SPICE1: variants seen among roughly 807,000 people sequenced by gnomAD.
SPICE1 encodes the protein spindle and centriole associated protein 1, also known as spindle and centriole-associated protein 1.
A neutral mutation model predicts 102.7 loss-of-function variants in SPICE1; 75 were observed. The ratio of observed to expected loss-of-function variants is 0.73; its 90% CI spans 0.61 to 0.88. The LOEUF is 0.88. Among genes scored for constraint, SPICE1 ranks in the 40% least tolerant of loss-of-function variants. The pLI is 0.00. For missense variants in SPICE1, 979 were observed against 1,020.1 expected (o/e 0.96, Z 0.55); for synonymous variants, 308 against 350.3 (o/e 0.88, Z 1.35).
At chr3:113,453,427 TTCCTATA>T in intron 14 of SPICE1, 32 bp downstream of exon 14, 2 of 1,530,220 alleles carry the variant, frequency 1.3e-6, no homozygotes, top group South Asian at 2.6e-5. Context: ...CCTATTTAAA[TTCCTATA>T]TGTCCCTAAT....
intron 7 of SPICE1, among the ~76,000 whole-genome samples, chr3:113,486,830 T>C (rs1025118574): frequency 2.7e-5 from 4 of 149,366 alleles, no homozygotes; most frequent in African/African-American, 9.8e-5. Context: ...AAATAAGGAG[T>C]ATGTTATCTT....
At chr3:113,472,226 G>C (rs187520341) in intron 7 of SPICE1, among the ~76,000 whole-genome samples, 2,528 of 152,342 alleles carry the variant, frequency 0.017, 57 homozygotes, top group African/African-American at 0.049. Flanking sequence ...CAGTGAGGCT[G>C]GGGGAGGGGC....
chr3:113,509,963 G>A (rs1290950604), intron 1 of SPICE1, among the ~76,000 whole-genome samples: 2 of 152,170 alleles, frequency 1.3e-5, no homozygotes, highest in African/African-American at 4.8e-5. Context: ...ATAATTGTAA[G>A]TTTCCTGAGG....
chr3:113,514,414 C>T lies in SPICE1; in HGVS notation c.-1+483G>A, dbSNP rs749845264. ...ATAGATCTGAACCCTTTACCTACTT[C>T]CTCTAGATTCGGATGGCTCCCCACT... On this transcript the variant is annotated intron_variant, in intron 1 of 17. Coordinates refer to ENST00000295872, the MANE Select transcript of SPICE1 (RefSeq NM_144718.4). The T allele has an allele frequency of 4.0e-5, 14 of 351,292 alleles. 1 individual carries two copies. The highest frequency in any genetic ancestry group is 2.8e-4 in the South Asian group (13 of 47,002). The allele number at this position is 351,292 out of a possible 1,614,324, so 21.8% of individuals were successfully genotyped here. A position where few individuals can be genotyped will look rare whatever the true frequency, so the allele number is the denominator to read the frequency against.
intron 7 of SPICE1, among the ~76,000 whole-genome samples, chr3:113,484,140 C>A (rs888578277): frequency 6.6e-6 from 1 of 152,178 alleles, no homozygotes; most frequent in Admixed American, 6.5e-5. Flanking sequence ...TCCATTTCTT[C>A]TAGATTTTAT....
At chr3:113,467,440 C>T (rs1214112269) in intron 10 of SPICE1, among the ~76,000 whole-genome samples, 3 of 152,110 alleles carry the variant, frequency 2.0e-5, no homozygotes, top group African/African-American at 4.8e-5. Context: ...TACAGGCGCC[C>T]GCCACCATGC....
chr3:113,469,471 A>G (rs188326067), intron 7 of SPICE1, among the ~76,000 whole-genome samples: 1,714 of 146,596 alleles, frequency 0.012, 39 homozygotes, highest in African/African-American at 0.04. Flanking sequence ...ATAATTACAC[A>G]TAATTATAAA....
In SPICE1 at chr3:113,469,082, G is replaced by A. The variant is rs200065308; in HGVS notation, c.751+17C>T. The A allele has an allele frequency of 2.9e-5, 46 of 1,606,608 alleles. 1 individual carries two copies. In the South Asian group the frequency reaches 4.9e-4, roughly 17 times the overall value. ...AATAAAGCAGGCACCTAGAAATAAT[G>A]CAAAAGGGAAACAAACCTCTTTGCT... On this transcript the variant is annotated intron_variant, in intron 8 of 17. Transcript: ENST00000295872.
chr3:113,490,309 T>C (rs1936738490), intron 6 of SPICE1, among the ~76,000 whole-genome samples: 1 of 152,168 alleles, frequency 6.6e-6, no homozygotes, highest in African/African-American at 2.4e-5. Flanking sequence ...CCCAGATCTG[T>C]CCTAAGCCCC....
At chr3:113,458,872 G>A (rs1935853050) in intron 12 of SPICE1, among the ~76,000 whole-genome samples, 1 of 152,076 alleles carries the variant, frequency 6.6e-6, no homozygotes, top group Admixed American at 6.5e-5. Flanking sequence ...CCCCGTCTGG[G>A]AAGTGAGGAG....
At chr3:113,487,757 C>A (rs1468422516) in intron 7 of SPICE1, among the ~76,000 whole-genome samples, 2 of 152,168 alleles carry the variant, frequency 1.3e-5, no homozygotes, top group African/African-American at 4.8e-5. Flanking sequence ...GCAGACATCA[C>A]TGTAACCAAA....
At chr3:113,466,604 G>C (rs1377064266) in intron 10 of SPICE1, among the ~76,000 whole-genome samples, 4 of 143,462 alleles carry the variant, frequency 2.8e-5, no homozygotes, top group Non-Finnish European at 6.0e-5. Flanking sequence ...GCGAGACTCT[G>C]TCTCAAAAAA....
At chr3:113,469,379 T>A (rs1363576011) in intron 7 of SPICE1, 141 bp from the exon 8 acceptor site, 2 of 188,776 alleles carry the variant, frequency 1.1e-5, no homozygotes, top group Non-Finnish European at 1.9e-5. Flanking sequence ...TAATTATAAA[T>A]TTAATTTTAT....
At chr3:113,492,174 G>C (rs1230160368) in intron 6 of SPICE1, among the ~76,000 whole-genome samples, 1 of 152,166 alleles carries the variant, frequency 6.6e-6, no homozygotes, top group African/African-American at 2.4e-5. Context: ...GTTTTTGCCG[G>C]AAATATGGTA....
chr3:113,472,714 C>T (rs1280111461), intron 7 of SPICE1, among the ~76,000 whole-genome samples: 1 of 152,230 alleles, frequency 6.6e-6, no homozygotes, highest in Admixed American at 6.5e-5. Flanking sequence ...AACAGACCTA[C>T]AGCTGAGGGT....
intron 12 of SPICE1, chr3:113,459,705 A>C: frequency 1.3e-6 from 1 of 751,146 alleles, no homozygotes; most frequent in Non-Finnish European, 1.6e-6. Flanking sequence ...AACATGGTGA[A>C]ACCCCGTCTC....
chr3:113,514,382 A>G, intron 1 of SPICE1: 1 of 316,576 alleles, frequency 3.2e-6, no homozygotes, highest in African/African-American at 2.2e-5. Flanking sequence ...AAATACATGG[A>G]TAGAGAATAG....
At chr3:113,465,924 G>A in intron 10 of SPICE1, 140 bp from the exon 11 acceptor site, 1 of 710,124 alleles carries the variant, frequency 1.4e-6, no homozygotes, top group Non-Finnish European at 2.1e-6. Context: ...TTTATTAAAA[G>A]GTTTATTATA....
chr3:113,448,362 T>C (rs939437055), intron 15 of SPICE1, among the ~76,000 whole-genome samples: 21 of 151,698 alleles, frequency 1.4e-4, no homozygotes, highest in African/African-American at 4.8e-4. Context: ...TGCCAGTTCA[T>C]AGAGAGCCAA....
Sources: gnomAD v4.1 joint callset for allele counts (sites outside exome capture counted in the v4.1 genomes callset) on GRCh38, gnomAD v4.1.1 for gene constraint, MANE v1.5 for transcripts, NCBI Gene and HGNC (gene_info 2026-07-23, HGNC 2026-07-21) for gene names.